Variants in TTC34 observed in about 807,000 individuals in gnomAD.
TTC34 encodes the protein tetratricopeptide repeat protein 34.
Under a neutral mutation model 40.7 loss-of-function variants are expected in TTC34, and 44 were observed. The ratio of observed to expected loss-of-function variants is 1.08; its 90% CI spans 0.85 to 1.39. The LOEUF (loss-of-function observed/expected upper bound fraction) is 1.39. TTC34 is among the 40% of genes most tolerant of loss of function. The pLI is 0.00. For synonymous variants in TTC34, 422 were observed against 398.6 expected, an observed-to-expected ratio of 1.06 and a Z score of -0.70; for missense variants, 884 against 838.0, an observed-to-expected ratio of 1.05 and a Z score of -0.68.
chr1:2,797,101 G>T (rs10909850), intron 2 of TTC34, among the ~76,000 whole-genome samples: 1 of 152,186 alleles, frequency 6.6e-6, no homozygotes, highest in Non-Finnish European at 1.5e-5. Context: ...TATGGAGGGC[G>T]GTTAGGAGCA....
At chr1:2,656,365 AGCAC>A (rs1639345386) in intron 6 of TTC34, among the ~76,000 whole-genome samples, 2 of 103,550 alleles carry the variant, frequency 1.9e-5, no homozygotes, top group African/African-American at 4.0e-5. Flanking sequence ...AGCCTGGAAC[AGCAC>A]CCACACCCAC....
chr1:2,751,367 C>T (rs1641313059), intron 6 of TTC34, among the ~76,000 whole-genome samples: 1 of 142,080 alleles, frequency 7.0e-6, no homozygotes. Context: ...GCACCCACAC[C>T]CCCAGGTGCG....
chr1:2,646,899 C>T (rs1162788896), intron 6 of TTC34, among the ~76,000 whole-genome samples: 3 of 152,188 alleles, frequency 2.0e-5, no homozygotes, highest in African/African-American at 4.8e-5. Flanking sequence ...TCTTTAATGT[C>T]ACCCTCGTTT....
chr1:2,692,082 A>G (rs1341421113), intron 6 of TTC34, among the ~76,000 whole-genome samples: 9 of 115,260 alleles, frequency 7.8e-5, no homozygotes, highest in Admixed American at 9.6e-5. Flanking sequence ...TGAACATCCG[A>G]CAGCCTGGAG....
chr1:2,691,592 A>C (rs1415530602), intron 6 of TTC34, among the ~76,000 whole-genome samples: 5 of 118,828 alleles, frequency 4.2e-5, no homozygotes, highest in Admixed American at 8.9e-5. Flanking sequence ...TGCCCAGGTG[A>C]GACCCTGACA....
intron 6 of TTC34, among the ~76,000 whole-genome samples, chr1:2,652,527 C>CTGACAGCCTGGAGCAGAACCCACACCCA (rs1639182322): frequency 4.6e-5 from 2 of 43,438 alleles, no homozygotes; most frequent in Admixed American, 2.5e-4. Context: ...ACCCACACCT[C>CTGACAGCCTGGAGCAGAACCCACACCCA]CAGGCGAGCA....
Position 2,755,533 on chromosome 1 carries a change from G to C in TTC34, c.2226+28076C>G, listed in dbSNP as rs1421219232. On this transcript the variant is annotated intron_variant, in intron 6 of 8. Coordinates refer to ENST00000401095, the Ensembl canonical transcript of TTC34. ...GGTGAGCATCTGACAGCCTGGAACAGTACCCACACCCACAGGCGAGCATCT... is the reference window on the plus strand; with the variant it reads ...GGTGAGCATCTGACAGCCTGGAACACTACCCACACCCACAGGCGAGCATCT... 2.0e-5 allele frequency among the ~76,000 whole-genome samples: 2 copies of C among 98,202 alleles called. 1 individual carries two copies. The highest frequency in any genetic ancestry group is 1.2e-4 in the African/African-American group (2 of 17,248). 64.4% of individuals were successfully genotyped at this position (98,202 alleles called of 152,430 possible).
intron 6 of TTC34, among the ~76,000 whole-genome samples, chr1:2,768,175 A>G (rs1468218390): frequency 2.0e-5 from 3 of 151,772 alleles, no homozygotes; most frequent in Admixed American, 6.6e-5. Flanking sequence ...CCTTCAGGTG[A>G]GCATCTGACA....
intron 4 of TTC34, among the ~76,000 whole-genome samples, chr1:2,787,223 C>T (rs1052365943): frequency 1.6e-4 from 25 of 152,186 alleles, no homozygotes; most frequent in African/African-American, 3.4e-4. Flanking sequence ...AAAGCAGCTA[C>T]GCATGCAGGG....
intron 6 of TTC34, among the ~76,000 whole-genome samples, chr1:2,687,835 C>T (rs1162553783): frequency 6.7e-6 from 1 of 149,528 alleles, no homozygotes; most frequent in Admixed American, 6.6e-5. Flanking sequence ...TGGTCTGGAG[C>T]ATTACCCACA....
intron 6 of TTC34, among the ~76,000 whole-genome samples, chr1:2,683,410 T>C (rs6604993): frequency 0.18 from 2,138 of 11,924 alleles, 4 homozygotes; most frequent in Middle Eastern, 0.3. Context: ...GAGCATCCGA[T>C]AGCCTGGAAC....
At chr1:2,792,006 C>T (rs893677428) in intron 2 of TTC34, among the ~76,000 whole-genome samples, 17 of 39,538 alleles carry the variant, frequency 4.3e-4, no homozygotes, top group Admixed American at 7.0e-4. Flanking sequence ...TTGCCATATG[C>T]TTTTTTTTTT....
exon 9 of TTC34, chr1:2,641,309 C>T: frequency 6.9e-7 from 1 of 1,443,578 alleles, no homozygotes. Context: ...TGGGCCTGGA[C>T]ATCAGGTGCA....
intron 6 of TTC34, among the ~76,000 whole-genome samples, chr1:2,692,781 C>CAAA (rs1640686674): frequency 7.9e-6 from 1 of 127,248 alleles, no homozygotes; most frequent in Non-Finnish European, 1.7e-5. Flanking sequence ...GAGCAGCACA[C>CAAA]ACACCCACAA....
In TTC34 at chr1:2,645,307, ATGTC is replaced by A; in HGVS notation, c.2479_2482del (p.Asp827PhefsTer161). The A allele has an allele frequency of 6.7e-7, 1 of 1,495,670 alleles. No homozygotes were observed. Among genetic ancestry groups the A allele is most frequent in the Non-Finnish European group, 8.9e-7 (1 of 1,125,014 alleles). The allele number at this position is 1,495,670 out of a possible 1,614,324, so 92.6% of individuals were successfully genotyped here. A position where few individuals can be genotyped will look rare whatever the true frequency, so the allele number is the denominator to read the frequency against. ...CCGCCGCATACCCTGTGCCATGAGA[ATGTC>A]TGCCAGGAGGAGGTGCCAGTGCGGT... On this transcript the variant is annotated frameshift_variant, in exon 7 of 9. Coordinates refer to ENST00000401095, the Ensembl canonical transcript of TTC34. LOFTEE classifies it high-confidence loss of function. This position sits in a 1 kb window ranked among gnomAD's most constrained non-coding sequence, Gnocchi z 4.7.
chr1:2,768,046 C>G (rs1172490508), intron 6 of TTC34, among the ~76,000 whole-genome samples: 1 of 151,100 alleles, frequency 6.6e-6, no homozygotes, highest in Non-Finnish European at 1.5e-5. Context: ...ACCCCACAAC[C>G]CCAGGTGATC....
chr1:2,691,581 A>T (rs2100365478), intron 6 of TTC34, among the ~76,000 whole-genome samples: 1 of 125,028 alleles, frequency 8.0e-6, no homozygotes, highest in South Asian at 2.5e-4. Flanking sequence ...CAGCACCCAC[A>T]TGCCCAGGTG....
chr1:2,693,741 C>A lies in TTC34; in HGVS notation c.2227-48178G>T, dbSNP rs561006071. ...AGCATCTGAACGCAAGGAGCAGCACCCACACCTCCAGGCGAGCATCCGACA... is the reference window on the plus strand; with the variant it reads ...AGCATCTGAACGCAAGGAGCAGCACACACACCTCCAGGCGAGCATCCGACA... On this transcript the variant is annotated intron_variant, in intron 6 of 8. Coordinates refer to ENST00000401095, the Ensembl canonical transcript of TTC34. 2.5e-5 allele frequency among the ~76,000 whole-genome samples: 2 copies of A among 78,834 alleles called. 1 individual carries two copies. The highest frequency in any genetic ancestry group is 2.4e-4 in the Admixed American group (2 of 8,320). 51.7% of individuals were successfully genotyped at this position (78,834 alleles called of 152,430 possible).
rs1481441015 is a variant in TTC34, at chr1:2,673,386, G to A, written c.2227-27823C>T. On this transcript the variant is annotated intron_variant, in intron 6 of 8. Transcript: ENST00000401095. ...GGCGAGCATCTGAGGGCCTGGGTCG[G>A]CACCCACACCCCCAGGTGAGCATCT... 4.1e-5 allele frequency among the ~76,000 whole-genome samples: 3 copies of A among 72,592 alleles called. 1 individual carries two copies. Among genetic ancestry groups the A allele is most frequent in the Non-Finnish European group, 9.5e-5 (3 of 31,538 alleles). The allele number at this position is 72,592 out of a possible 152,430, so 47.6% of individuals were successfully genotyped here.
Sources: allele counts gnomAD v4.1 joint callset (sites outside exome capture counted in the v4.1 genomes callset), GRCh38; gene constraint gnomAD v4.1.1; non-coding constraint Gnocchi (gnomAD v3.1); transcripts MANE v1.5; gene names NCBI Gene and HGNC (gene_info 2026-07-23, HGNC 2026-07-21).